TMEM161B: variants seen among roughly 807,000 people sequenced by gnomAD.
TMEM161B encodes transmembrane protein 161B.
In TMEM161B, 34 loss-of-function variants were observed where a neutral mutation model predicts 61.8. The observed-to-expected ratio is 0.55, with a 90% CI of 0.42 to 0.73. The LOEUF (loss-of-function observed/expected upper bound fraction) is 0.73. Ranked by LOEUF, TMEM161B falls within the 30% of genes least tolerant of loss-of-function variation. The pLI is 0.00. For missense variants in TMEM161B, 456 were observed against 558.5 expected (o/e 0.82, Z 1.85); for synonymous variants, 167 against 192.8 (o/e 0.87, Z 1.11).
At chr5:88,206,084 G>C in intron 7 of TMEM161B, 130 bp from the exon 8 acceptor site, 1 of 796,882 alleles carries the variant, frequency 1.3e-6, no homozygotes, top group Non-Finnish European at 2.0e-6. Context: ...CAAAAAGATT[G>C]CTATTATTCA....
At chr5:88,231,242 T>G (rs1750936606) in intron 2 of TMEM161B, among the ~76,000 whole-genome samples, 1 of 152,202 alleles carries the variant, frequency 6.6e-6, no homozygotes, top group Non-Finnish European at 1.5e-5. Context: ...TTACTGGATC[T>G]GAGGGGATCA....
intron 4 of TMEM161B, among the ~76,000 whole-genome samples, chr5:88,224,711 T>C (rs1449076921): frequency 6.6e-6 from 1 of 152,140 alleles, no homozygotes; most frequent in East Asian, 1.9e-4. Flanking sequence ...ACTGTGCGTG[T>C]CTACTTATAT....
intron 5 of TMEM161B, among the ~76,000 whole-genome samples, chr5:88,219,376 A>C (rs908609248): frequency 6.6e-5 from 10 of 152,204 alleles, no homozygotes; most frequent in Admixed American, 2.6e-4. Flanking sequence ...AAGTACATAG[A>C]AATATAAAAG....
chr5:88,248,530 A>G (rs1054113635), intron 1 of TMEM161B, among the ~76,000 whole-genome samples: 3 of 152,052 alleles, frequency 2.0e-5, no homozygotes, highest in African/African-American at 7.2e-5. Flanking sequence ...TCTGAGAGGG[A>G]TCGCTCTGCT....
intron 1 of TMEM161B, among the ~76,000 whole-genome samples, chr5:88,241,457 T>A (rs2112659676): frequency 6.6e-6 from 1 of 152,040 alleles, no homozygotes; most frequent in South Asian, 2.1e-4. Flanking sequence ...CTGCATAAAT[T>A]AAGGATATCA....
chr5:88,230,418 C>T (rs543574436), intron 2 of TMEM161B, among the ~76,000 whole-genome samples: 20 of 152,086 alleles, frequency 1.3e-4, no homozygotes. Flanking sequence ...CACAGGAATT[C>T]ATAATTCTAT....
chr5:88,199,088 C>T lies in TMEM161B; in HGVS notation c.977G>A (p.Arg326Gln), dbSNP rs144701087. Residue 326 changes from arginine (R) to glutamine (Q), a missense_variant, in exon 10 of 12, where the codon CGG becomes CAG. By Grantham distance (43) the Arg-to-Gln change is conservative (BLOSUM62 1). Coordinates refer to ENST00000296595, the MANE Select transcript of TMEM161B (RefSeq NM_153354.5). ...CAGGTGACTACGCATCATGGCCAACCGCAAAGCACACAGCAGGATTATTAA... is the reference window on the plus strand; with the variant it reads ...CAGGTGACTACGCATCATGGCCAACTGCAAAGCACACAGCAGGATTATTAA... ...LWLIILLCAL[R>Q]LAMMRSHLQA... is the part of the protein sequence containing the mutation. 7 of 1,612,778 alleles carry T rather than the reference C, an allele frequency of 4.3e-6. No homozygotes were observed. The highest frequency in any genetic ancestry group is 5.1e-6 in the Non-Finnish European group (6 of 1,179,392).
intron 2 of TMEM161B, among the ~76,000 whole-genome samples, chr5:88,237,776 T>C (rs1350594116): frequency 6.6e-6 from 1 of 152,002 alleles, no homozygotes; most frequent in Non-Finnish European, 1.5e-5. Context: ...CTAATAGCAA[T>C]ATGTGTTATT....
At chr5:88,255,792 A>C (rs1754911276) in intron 1 of TMEM161B, among the ~76,000 whole-genome samples, 1 of 152,038 alleles carries the variant, frequency 6.6e-6, no homozygotes, top group African/African-American at 2.4e-5. Context: ...AAAGGTCAAA[A>C]AGCATAAATC....
intron 2 of TMEM161B, among the ~76,000 whole-genome samples, chr5:88,228,931 G>A (rs1750521595): frequency 6.6e-6 from 1 of 152,184 alleles, no homozygotes; most frequent in African/African-American, 2.4e-5. Flanking sequence ...AGAGGTGTTT[G>A]AATGAATTCT....
chr5:88,256,382 C>T (rs139106345), intron 1 of TMEM161B, among the ~76,000 whole-genome samples: 3 of 152,314 alleles, frequency 2.0e-5, no homozygotes, highest in African/African-American at 7.2e-5. Flanking sequence ...TGGAAGAAAG[C>T]TTCCTAAATT....
In TMEM161B at chr5:88,208,134, GA is replaced by G. The variant is rs1183125159; in HGVS notation, c.447-955del. On this transcript the variant is annotated intron_variant, in intron 5 of 11. Coordinates refer to ENST00000296595, the MANE Select transcript of TMEM161B (RefSeq NM_153354.5). ...GGAGGTCTAAGCCGGCGGATCACCT[GA>G]AGTCAGGAGTATGAGACCAGCCTGG... is the stretch of plus-strand genomic sequence containing the variant. Among the ~76,000 whole-genome samples, 12 of 152,180 alleles carry G rather than the reference GA, an allele frequency of 7.9e-5. No individual in the cohort carries two copies. The South Asian group carries it at 1.0e-3, about 13-fold the overall frequency.
At chr5:88,201,491 A>C (rs1744398762) in intron 9 of TMEM161B, 1 of 152,088 alleles carries the variant, frequency 6.6e-6, no homozygotes, top group African/African-American at 2.4e-5. Context: ...CAATTACCAT[A>C]AGAAGATACA....
At chr5:88,202,061 C>T (rs1437346539) in intron 9 of TMEM161B, 2 of 445,612 alleles carry the variant, frequency 4.5e-6, no homozygotes, top group Admixed American at 2.4e-5. Flanking sequence ...GGTTGCATTA[C>T]ATGTGTTCTT....
intron 5 of TMEM161B, among the ~76,000 whole-genome samples, chr5:88,213,460 C>T (rs1487847931): frequency 2.0e-5 from 3 of 152,042 alleles, no homozygotes; most frequent in African/African-American, 7.2e-5. Context: ...AAACGCCATT[C>T]CACAAAAAAA....
chr5:88,266,526 C>T (rs974708871), intron 1 of TMEM161B, among the ~76,000 whole-genome samples: 1 of 152,166 alleles, frequency 6.6e-6, no homozygotes, highest in Admixed American at 6.5e-5. Flanking sequence ...TAATACCCAT[C>T]AAGTCCCACT....
chr5:88,253,512 G>A (rs974939793), intron 1 of TMEM161B, among the ~76,000 whole-genome samples: 6 of 152,216 alleles, frequency 3.9e-5, no homozygotes, highest in African/African-American at 1.2e-4. Context: ...ATACCTACCC[G>A]TACAAAGACA....
chr5:88,230,406 T>C (rs1260894093), intron 2 of TMEM161B, among the ~76,000 whole-genome samples: 1 of 152,142 alleles, frequency 6.6e-6, no homozygotes, highest in African/African-American at 2.4e-5. Context: ...TTGTGATGAG[T>C]ACACAGGAAT....
At position 88,199,060 on chromosome 5, in the gene TMEM161B, T is replaced by G; in HGVS notation, c.1005A>C (p.Gln335His). 1 of 1,613,206 alleles carries G rather than the reference T, an allele frequency of 6.2e-7. No individual in the cohort carries two copies. The highest frequency in any genetic ancestry group is 8.5e-7 in the Non-Finnish European group (1 of 1,179,480). Residue 335 changes from glutamine to histidine, a missense_variant, in exon 10 of 12, where the codon CAA (glutamine) becomes CAC (histidine). Physicochemically the swap from Gln to His is conservative, Grantham distance 24. Around this residue, in one of 3 missense-constraint regions of TMEM161B, gnomAD observed 367 missense variants for 427.3 expected, o/e 0.86. Coordinates refer to ENST00000296595, the MANE Select transcript of TMEM161B (RefSeq NM_153354.5). ...LRLAMMRSHL[Q>H]AYLNLAQKCV... ...ATTTTTGGGCTAAATTTAAATAAGC[T>G]TGCAGGTGACTACGCATCATGGCCA...
Sources: allele counts gnomAD v4.1 joint callset (sites outside exome capture counted in the v4.1 genomes callset), GRCh38; gene constraint gnomAD v4.1.1; regional missense constraint gnomAD v4.1.1; transcripts MANE v1.5; gene names NCBI Gene and HGNC (gene_info 2026-07-23, HGNC 2026-07-21).